CCDC102B: variants seen among roughly 807,000 people sequenced by gnomAD.
CCDC102B encodes coiled-coil domain containing 102B.
In CCDC102B, 75 loss-of-function variants were observed where a neutral mutation model predicts 57.4. The observed-to-expected ratio is 1.31, with a 90% CI of 1.08 to 1.58. The LOEUF (loss-of-function observed/expected upper bound fraction) is 1.58, where lower values mean the gene tolerates loss of function less well. CCDC102B is among the 40% of genes most tolerant of loss of function. CCDC102B has a pLI of 0.00. For missense variants in CCDC102B, 636 were observed against 582.6 expected, an observed-to-expected ratio of 1.09 and a Z score of -0.94; for synonymous variants, 206 against 201.9, an observed-to-expected ratio of 1.02 and a Z score of -0.17.
chr18:68,765,385 A>AAGAAG (rs2034432226), intron 2 of CCDC102B, among the ~76,000 whole-genome samples: 1 of 149,928 alleles, frequency 6.7e-6, no homozygotes, highest in Non-Finnish European at 1.5e-5. Context: ...AAGAAAAGAA[A>AAGAAG]GAAAGAAAAG....
At chr18:69,000,770 C>T (rs568796537) in intron 6 of CCDC102B, among the ~76,000 whole-genome samples, 194 of 152,186 alleles carry the variant, frequency 1.3e-3, no homozygotes, top group Non-Finnish European at 1.8e-3. Context: ...AGTCTGGGAA[C>T]CTGCAGCGTC....
intron 1 of CCDC102B, among the ~76,000 whole-genome samples, chr18:68,819,144 G>A (rs527969208): frequency 5.3e-5 from 8 of 151,996 alleles, no homozygotes; most frequent in Admixed American, 1.3e-4. Flanking sequence ...TTTACTTTAC[G>A]GTTAATGCTT....
intron 5 of CCDC102B, among the ~76,000 whole-genome samples, chr18:68,878,836 T>C (rs2039557092): frequency 6.6e-6 from 1 of 152,150 alleles, no homozygotes; most frequent in Non-Finnish European, 1.5e-5. Flanking sequence ...AAAAAACTAG[T>C]GGCGGTGTGT....
intron 6 of CCDC102B, among the ~76,000 whole-genome samples, chr18:68,975,540 A>G (rs1308324589): frequency 6.6e-6 from 1 of 152,000 alleles, no homozygotes; most frequent in Non-Finnish European, 1.5e-5. Flanking sequence ...CCTTTGAGGA[A>G]TACCATTTTG....
At chr18:69,033,445 A>G (rs2052202743) in intron 7 of CCDC102B, among the ~76,000 whole-genome samples, 1 of 152,100 alleles carries the variant, frequency 6.6e-6, no homozygotes, top group Non-Finnish European at 1.5e-5. Context: ...AGCCATTCCC[A>G]TTCTCCTGTT....
At chr18:68,783,298 CTTTA>C (rs950321425) in intron 2 of CCDC102B, among the ~76,000 whole-genome samples, 2 of 152,064 alleles carry the variant, frequency 1.3e-5, no homozygotes, top group African/African-American at 4.8e-5. Flanking sequence ...AGCCTCTTTC[CTTTA>C]TTTTTTAGTG....
intron 1 of CCDC102B, chr18:68,715,661 G>A (rs1356020926): frequency 6.6e-6 from 1 of 152,124 alleles, no homozygotes; most frequent in African/African-American, 2.4e-5. Flanking sequence ...AGAACATGAA[G>A]TTAAGCGTAG....
At chr18:68,876,771 AAT>A (rs2039466588) in intron 5 of CCDC102B, among the ~76,000 whole-genome samples, 1 of 152,228 alleles carries the variant, frequency 6.6e-6, no homozygotes, top group Non-Finnish European at 1.5e-5. Context: ...CAGGAAACAG[AAT>A]ATATAAAATG....
intron 2 of CCDC102B, chr18:68,754,265 T>TA (rs1275156112): frequency 2.0e-5 from 3 of 152,240 alleles, no homozygotes; most frequent in Admixed American, 6.5e-5. Context: ...TCCAGTAGAT[T>TA]AAAAAAATAC....
chr18:68,851,353 T>C (rs1568287836), intron 4 of CCDC102B, among the ~76,000 whole-genome samples: 1 of 152,172 alleles, frequency 6.6e-6, no homozygotes, highest in Non-Finnish European at 1.5e-5. Context: ...TTGCATGACA[T>C]AAATTAGCTT....
At chr18:68,818,617 T>C (rs1013517856) in intron 1 of CCDC102B, among the ~76,000 whole-genome samples, 5 of 152,178 alleles carry the variant, frequency 3.3e-5, no homozygotes, top group African/African-American at 1.2e-4. Flanking sequence ...CTTATTATAA[T>C]TGGGATTATG....
intron 4 of CCDC102B, among the ~76,000 whole-genome samples, chr18:68,856,952 C>CTA (rs1181427753): frequency 3.5e-5 from 5 of 143,796 alleles, no homozygotes; most frequent in South Asian, 2.1e-4. Flanking sequence ...CACATACAGT[C>CTA]TATATATATA....
At chr18:69,000,266 A>G (rs1355290360) in intron 6 of CCDC102B, among the ~76,000 whole-genome samples, 1 of 152,168 alleles carries the variant, frequency 6.6e-6, no homozygotes, top group Non-Finnish European at 1.5e-5. Flanking sequence ...TGCATTTACC[A>G]TGCACAATGG....
At chr18:68,765,317 G>GA (rs770470803) in intron 2 of CCDC102B, among the ~76,000 whole-genome samples, 3,214 of 45,070 alleles carry the variant, frequency 0.071, 79 homozygotes, top group East Asian at 0.12. Flanking sequence ...AGGAAGGAAG[G>GA]AAGGAAGGAA....
In CCDC102B at chr18:68,874,671, T is replaced by A. The variant is rs1402103073; in HGVS notation, c.939T>A (p.Phe313Leu). ...GTAATTTCAACTTTCTTTTTCAGTT[T>A]GACATTCTTCTTGGTCAACATAATG... is the stretch of plus-strand genomic sequence containing the variant. ...KESKPKNVKE[F>L]DILLGQHNDE... is the part of the protein sequence containing the mutation. The change falls in exon 5 of 8, where the codon TTT (phenylalanine) becomes TTA (leucine). Residue 313 changes from phenylalanine to leucine, a missense_variant and splice_region_variant. Coordinates refer to ENST00000360242, the MANE Select transcript of CCDC102B (RefSeq NM_024781.3). 1 of 1,597,660 alleles carries A rather than the reference T, an allele frequency of 6.3e-7. No homozygotes were observed. The highest frequency in any genetic ancestry group is 1.1e-5 in the South Asian group (1 of 90,704).
At chr18:68,931,256 G>A (rs1049029816) in intron 6 of CCDC102B, among the ~76,000 whole-genome samples, 1 of 151,868 alleles carries the variant, frequency 6.6e-6, no homozygotes. Flanking sequence ...AGCTAAGATG[G>A]AAGGCATTTA....
intron 7 of CCDC102B, among the ~76,000 whole-genome samples, chr18:69,030,551 ATCTTT>A (rs760026966): frequency 8.5e-5 from 13 of 152,236 alleles, no homozygotes; most frequent in Non-Finnish European, 1.5e-4. Flanking sequence ...CACTTTGGGA[ATCTTT>A]TCTTGTTCTT....
intron 1 of CCDC102B, among the ~76,000 whole-genome samples, chr18:68,817,177 A>G (rs1178937604): frequency 2.6e-5 from 4 of 152,210 alleles, no homozygotes; most frequent in Non-Finnish European, 5.9e-5. Flanking sequence ...TTCACATTAC[A>G]TATGCCTGAG....
At position 69,054,323 on chromosome 18, in the gene CCDC102B, A is replaced by G. The variant is rs1176609311; in HGVS notation, c.*186A>G. 74 of 1,248,164 alleles carry G rather than the reference A, an allele frequency of 5.9e-5. No individual in the cohort carries two copies. The highest frequency in any genetic ancestry group is 7.1e-5 in the Non-Finnish European group (71 of 997,386). The allele number at this position is 1,248,164 out of a possible 1,614,324, so 77.3% of individuals were successfully genotyped here. ...TGCCTAACAGATACTGCATATTCTC[A>G]AAAAGACAATTTAAATGTCATTTAA... On this transcript the variant is annotated 3_prime_UTR_variant, in exon 8 of 8. Coordinates refer to ENST00000360242, the MANE Select transcript of CCDC102B (RefSeq NM_024781.3).
Sources: gnomAD v4.1 joint callset for allele counts (sites outside exome capture counted in the v4.1 genomes callset) on GRCh38, gnomAD v4.1.1 for gene constraint, MANE v1.5 for transcripts, NCBI Gene and HGNC (gene_info 2026-07-23, HGNC 2026-07-21) for gene names.